Variants in NR3C2 observed in about 807,000 individuals in gnomAD.
NR3C2 encodes mineralocorticoid receptor.
In NR3C2, 15 loss-of-function variants were observed where a neutral mutation model predicts 86.4. The observed-to-expected ratio is 0.17, with a 90% confidence interval of 0.12 to 0.27. The LOEUF is 0.27. NR3C2 is among the 10% of genes least tolerant of loss of function. The pLI is 1.00. For synonymous variants in NR3C2, 458 were observed against 450.5 expected, an observed-to-expected ratio of 1.02 and a Z score of -0.21; for missense variants, 960 against 1,195.6, an observed-to-expected ratio of 0.80 and a Z score of 2.91.
intron 3 of NR3C2, among the ~76,000 whole-genome samples, chr4:148,217,785 G>A (rs1225620920): frequency 6.6e-6 from 1 of 152,168 alleles, no homozygotes; most frequent in Non-Finnish European, 1.5e-5. Flanking sequence ...TGTAAATCAA[G>A]TACTCAAAAA....
chr4:148,379,004 C>T (rs886065934), intron 2 of NR3C2, among the ~76,000 whole-genome samples: 1 of 152,072 alleles, frequency 6.6e-6, no homozygotes, highest in African/African-American at 2.4e-5. Flanking sequence ...CCAGCAAAAA[C>T]TTCAAAAGAA....
intron 8 of NR3C2, among the ~76,000 whole-genome samples, chr4:148,105,313 T>C (rs1250037546): frequency 6.6e-5 from 10 of 152,138 alleles, no homozygotes; most frequent in Non-Finnish European, 1.5e-4. Flanking sequence ...CCTGGACACA[T>C]ATACCTTCTC....
chr4:148,261,013 A>C (rs1022030405), intron 2 of NR3C2, among the ~76,000 whole-genome samples: 2 of 152,246 alleles, frequency 1.3e-5, no homozygotes, highest in African/African-American at 4.8e-5. Flanking sequence ...TGCAGTTCAC[A>C]TACATTTCTT....
At chr4:148,421,228 G>T (rs1749266609) in intron 2 of NR3C2, among the ~76,000 whole-genome samples, 1 of 152,102 alleles carries the variant, frequency 6.6e-6, no homozygotes, top group Non-Finnish European at 1.5e-5. Flanking sequence ...ATTAAGTTAA[G>T]TGGCATTAAG....
chr4:148,106,850 A>C (rs1324141118), intron 8 of NR3C2, among the ~76,000 whole-genome samples: 3 of 152,250 alleles, frequency 2.0e-5, no homozygotes, highest in Non-Finnish European at 2.9e-5. Context: ...ACCTTATACA[A>C]AAATCAACTC....
intron 2 of NR3C2, among the ~76,000 whole-genome samples, chr4:148,337,207 G>C (rs528459779): frequency 6.6e-6 from 1 of 152,322 alleles, no homozygotes; most frequent in East Asian, 1.9e-4. Flanking sequence ...AAAAGTCTAT[G>C]AGGAAATATA....
chr4:148,258,593 T>C (rs938196333), intron 3 of NR3C2, among the ~76,000 whole-genome samples: 2 of 152,196 alleles, frequency 1.3e-5, no homozygotes, highest in Non-Finnish European at 2.9e-5. Context: ...CCAAGTTCAA[T>C]CTGAGGAGAT....
At chr4:148,289,240 C>A (rs1325573593) in intron 2 of NR3C2, among the ~76,000 whole-genome samples, 24 of 115,998 alleles carry the variant, frequency 2.1e-4, no homozygotes, top group African/African-American at 7.5e-4. Flanking sequence ...AAAAAAGTCA[C>A]AATGTCTGAA....
At chr4:148,270,749 T>A (rs1186519767) in intron 2 of NR3C2, among the ~76,000 whole-genome samples, 1 of 152,204 alleles carries the variant, frequency 6.6e-6, no homozygotes, top group African/African-American at 2.4e-5. Context: ...TTTGGATGAC[T>A]GACTCTGCAA....
In NR3C2 at chr4:148,151,230, G is replaced by A. The variant is rs1278411363; in HGVS notation, c.2510+1239C>T. Among the ~76,000 whole-genome samples the A allele has an allele frequency of 3.3e-5, 5 of 151,362 alleles. No individual in the cohort carries two copies. The South Asian group carries it at 1.0e-3, about 32-fold the overall frequency. ...TTTTAATGTTCTGTTAAAATCAAAC[G>A]CTGAGGGCATTAATAGAGATTCTTA... is the stretch of plus-strand genomic sequence containing the variant. On this transcript the variant is annotated intron_variant, in intron 6 of 8. Coordinates refer to ENST00000358102, the MANE Select transcript of NR3C2 (RefSeq NM_000901.5).
chr4:148,369,261 G>C (rs937857044), intron 2 of NR3C2, among the ~76,000 whole-genome samples: 1 of 152,118 alleles, frequency 6.6e-6, no homozygotes, highest in African/African-American at 2.4e-5. Context: ...CAAAATGCTT[G>C]TTACAAATTG....
chr4:148,138,614 G>C (rs1733461655), intron 6 of NR3C2, among the ~76,000 whole-genome samples: 1 of 152,066 alleles, frequency 6.6e-6, no homozygotes, highest in Non-Finnish European at 1.5e-5. Context: ...GAACTCCTGA[G>C]CTCAAGCAAT....
intron 4 of NR3C2, among the ~76,000 whole-genome samples, chr4:148,159,316 G>C (rs1734551051): frequency 6.6e-6 from 1 of 152,274 alleles, no homozygotes; most frequent in African/African-American, 2.4e-5. Context: ...GCAAGCTTCT[G>C]AGATTTTATG....
At chr4:148,132,000 A>C (rs376849862) in intron 6 of NR3C2, among the ~76,000 whole-genome samples, 7 of 152,306 alleles carry the variant, frequency 4.6e-5, no homozygotes, top group Middle Eastern at 6.8e-3. Flanking sequence ...GTCTGGAAAA[A>C]ATTTTTTTAA....
In NR3C2 at chr4:148,154,666, T is replaced by G; in HGVS notation, c.2250A>C (p.Val750=). ...MVLENIEPEI[V]YAGYDSSKPD... The stretch of plus-strand genomic sequence containing the variant: ...GTTTTGAGCTGTCATAGCCTGCATA[T>G]ACAATTTCAGGTTCAATGTTTTCAA... The change falls in exon 5 of 9, where the codon GTA becomes GTC. Residue 750 remains valine (V), a synonymous_variant. Transcript: ENST00000358102. 6.2e-7 allele frequency: 1 copy of G among 1,614,226 alleles called. No homozygotes were observed. Among genetic ancestry groups the G allele is most frequent in the Non-Finnish European group, 8.5e-7 (1 of 1,180,052 alleles).
At chr4:148,397,412 C>T (rs1333895249) in intron 2 of NR3C2, among the ~76,000 whole-genome samples, 1 of 152,184 alleles carries the variant, frequency 6.6e-6, no homozygotes, top group Non-Finnish European at 1.5e-5. Flanking sequence ...GCTCTAGTGC[C>T]TAAGAACTAT....
At chr4:148,399,648 T>C (rs1420828899) in intron 2 of NR3C2, among the ~76,000 whole-genome samples, 2 of 151,448 alleles carry the variant, frequency 1.3e-5, no homozygotes, top group Non-Finnish European at 2.9e-5. Context: ...AAACAAACAC[T>C]ACTCTCCATC....
In NR3C2 at chr4:148,154,546, C is replaced by T; in HGVS notation, c.2365+5G>A. On this transcript the variant is annotated splice_donor_5th_base_variant and intron_variant, in intron 5 of 8. Coordinates refer to ENST00000358102, the MANE Select transcript of NR3C2 (RefSeq NM_000901.5). Reference sequence around the variant, plus strand: ...TGCAGCCTGTGAAAGGAGAGGCAATCCTACCTGGAAGTACCTTTGCCCACT... The same window carrying T: ...TGCAGCCTGTGAAAGGAGAGGCAATTCTACCTGGAAGTACCTTTGCCCACT... The T allele has an allele frequency of 6.2e-7, 1 of 1,613,672 alleles. No homozygotes were observed. Among genetic ancestry groups the T allele is most frequent in the Non-Finnish European group, 8.5e-7 (1 of 1,179,600 alleles).
chr4:148,355,219 A>G (rs889092221), intron 2 of NR3C2, among the ~76,000 whole-genome samples: 4 of 152,212 alleles, frequency 2.6e-5, no homozygotes, highest in Non-Finnish European at 5.9e-5. Context: ...TGAGATCCAT[A>G]TATCTTCTGG....
Sources: gnomAD v4.1 joint callset for allele counts (sites outside exome capture counted in the v4.1 genomes callset) on GRCh38, gnomAD v4.1.1 for gene constraint, MANE v1.5 for transcripts, NCBI Gene and HGNC (gene_info 2026-07-23, HGNC 2026-07-21) for gene names.